MTIF2: variants seen among roughly 807,000 people sequenced by gnomAD.
MTIF2 encodes mitochondrial translational initiation factor 2, also known as translation initiation factor IF-2, mitochondrial.
A neutral mutation model predicts 83.5 loss-of-function variants in MTIF2; 71 were observed. The ratio of observed to expected loss-of-function variants is 0.85; its 90% confidence interval spans 0.70 to 1.04. The LOEUF (loss-of-function observed/expected upper bound fraction) is 1.04. MTIF2 is among the 50% of genes least tolerant of loss of function. The pLI, the probability that MTIF2 is intolerant of heterozygous loss-of-function variation, is 0.00. For missense variants in MTIF2, 957 were observed against 846.5 expected (o/e 1.13, Z -1.62); for synonymous variants, 319 against 287.1 (o/e 1.11, Z -1.12).
chr2:55,265,758 A>G (rs1016090687), intron 3 of MTIF2, among the ~76,000 whole-genome samples: 2 of 152,186 alleles, frequency 1.3e-5, no homozygotes, highest in African/African-American at 4.8e-5. Flanking sequence ...TACATTGTGA[A>G]TATTATTTTA....
At chr2:55,260,447 C>G (rs918112907) in intron 5 of MTIF2, among the ~76,000 whole-genome samples, 2 of 148,836 alleles carry the variant, frequency 1.3e-5, no homozygotes, top group African/African-American at 2.5e-5. Flanking sequence ...CAATTTTGTA[C>G]TCTTTGTAAG....
At position 55,243,475 on chromosome 2, in the gene MTIF2, G is replaced by A. The variant is rs1276133603; in HGVS notation, c.1505C>T (p.Pro502Leu). The change falls in exon 12 of 16, where the codon CCC (proline) becomes CTC (leucine). Residue 502 changes from proline (P) to leucine (L), a missense_variant. Transcript: ENST00000263629. ...LRFLERKEQIPLKPKEKRERD... is the reference protein window; with the variant it reads ...LRFLERKEQILLKPKEKRERD... Reference sequence around the variant, plus strand: ...TTCCCTTTTCTCTTTTGGCTTTAAGGGTATTTGTTCTTTTCTTTCTAAAAA... The same window carrying A: ...TTCCCTTTTCTCTTTTGGCTTTAAGAGTATTTGTTCTTTTCTTTCTAAAAA... 1 of 1,613,448 alleles carries A rather than the reference G, an allele frequency of 6.2e-7. No homozygotes were observed. Among genetic ancestry groups the A allele is most frequent in the Non-Finnish European group, 8.5e-7 (1 of 1,179,626 alleles).
At chr2:55,258,811 C>CAAAAA (rs368542489) in intron 5 of MTIF2, among the ~76,000 whole-genome samples, 1 of 67,280 alleles carries the variant, frequency 1.5e-5, no homozygotes, top group African/African-American at 6.2e-5. Context: ...GCCTCTGTCT[C>CAAAAA]AAAAAAAAAA....
In MTIF2 at chr2:55,240,156, A is replaced by C. The variant is rs1488464606; in HGVS notation, c.1725T>G (p.Asn575Lys). ...GTTGGATAACATTGCCTGCATTCAC[A>C]TTAAAGCCATATATAACACCTAGCA... ...ETFDGVIYGF[N>K]VNAGNVIQQS... The change falls in exon 14 of 16, where the codon AAT becomes AAG. Residue 575 changes from asparagine (N) to lysine (K), a missense_variant. Asn to Lys is a moderately conservative substitution (Grantham distance 94, BLOSUM62 0). Transcript: ENST00000263629. 6.2e-7 allele frequency: 1 copy of C among 1,613,618 alleles called. No individual in the cohort carries two copies. The highest frequency in any genetic ancestry group is 8.5e-7 in the Non-Finnish European group (1 of 1,179,634).
intron 5 of MTIF2, among the ~76,000 whole-genome samples, chr2:55,261,269 C>T: frequency 6.6e-6 from 1 of 152,146 alleles, no homozygotes; most frequent in East Asian, 1.9e-4. Flanking sequence ...CCGTGCCTGG[C>T]TACTACCAGT....
chr2:55,263,044 G>C (rs975361262), intron 4 of MTIF2, among the ~76,000 whole-genome samples: 4 of 151,938 alleles, frequency 2.6e-5, no homozygotes, highest in African/African-American at 9.7e-5. Context: ...TGTATTTTTA[G>C]TAGTGATGGG....
chr2:55,248,330 G>A (rs1383243623), intron 9 of MTIF2, among the ~76,000 whole-genome samples: 1 of 152,104 alleles, frequency 6.6e-6, no homozygotes, highest in Admixed American at 6.6e-5. Context: ...ACTATTAATG[G>A]ACGCATAATT....
rs376833396 is a variant in MTIF2, at chr2:55,262,488, A to AT, written c.220-62dup. On this transcript the variant is annotated intron_variant, in intron 4 of 15. Transcript: ENST00000263629. The stretch of plus-strand genomic sequence containing the variant: ...AGAAAAAACTTAAGTGACAATTTAG[A>AT]TTTATTCTCAAATATCTACCACAAT... The AT allele has an allele frequency of 3.2e-4, 319 of 985,798 alleles. No homozygotes were observed. In the African/African-American group the frequency reaches 5.0e-3, roughly 16 times the overall value. 61.1% of individuals were successfully genotyped at this position (985,798 alleles called of 1,614,324 possible).
At chr2:55,267,768 C>G (rs7590143) in intron 2 of MTIF2, 133 bp from the exon 3 acceptor site, 29,786 of 152,158 alleles carry the variant, frequency 0.2, 4,230 homozygotes, top group African/African-American at 0.38. Flanking sequence ...TCTTGATACT[C>G]GCTTATAAGC....
At chr2:55,245,168 A>C (rs1676601695) in intron 10 of MTIF2, among the ~76,000 whole-genome samples, 1 of 152,248 alleles carries the variant, frequency 6.6e-6, no homozygotes, top group Non-Finnish European at 1.5e-5. Context: ...GCCAGTTACA[A>C]ATGGACACAT....
At chr2:55,264,734 G>C (rs1379568798) in intron 3 of MTIF2, among the ~76,000 whole-genome samples, 1 of 152,028 alleles carries the variant, frequency 6.6e-6, no homozygotes, top group Middle Eastern at 3.2e-3. Context: ...CTTTATAGTA[G>C]GAAGAAGACA....
At chr2:55,266,341 TG>T (rs1678424736) in intron 3 of MTIF2, 1 of 151,908 alleles carries the variant, frequency 6.6e-6, no homozygotes, top group African/African-American at 2.4e-5. Flanking sequence ...CTGACCGACA[TG>T]GTGAAACCCC....
intron 5 of MTIF2, among the ~76,000 whole-genome samples, chr2:55,261,658 G>A (rs1038486360): frequency 6.6e-6 from 1 of 151,846 alleles, no homozygotes; most frequent in Non-Finnish European, 1.5e-5. Flanking sequence ...AAATTATAGG[G>A]CCAGGCGTGG....
rs369471120 is a variant in MTIF2, at chr2:55,252,680, C to T, written c.665-27G>A. The stretch of plus-strand genomic sequence containing the variant: ...TGTGGAAACAGAAATTCAAGAACAT[C>T]AAGGATTCAAACATGTACTTCCTTA... On this transcript the variant is annotated intron_variant, in intron 7 of 15. Transcript: ENST00000263629. The T allele has an allele frequency of 5.1e-6, 8 of 1,582,290 alleles. No individual in the cohort carries two copies. The South Asian group carries it at 6.8e-5, about 13-fold the overall frequency.
rs769282337 is a variant in MTIF2, at chr2:55,263,630, C to A, written c.219+10G>T. 21 of 1,560,242 alleles carry A rather than the reference C, an allele frequency of 1.3e-5. No individual in the cohort carries two copies. Among genetic ancestry groups the A allele is most frequent in the Non-Finnish European group, 1.7e-5 (19 of 1,150,552 alleles). ...ATCTCAAAAAAAAAAAAAAAGAAAT[C>A]TGTAACTACCTTTTTTGTTACTAGA... On this transcript the variant is annotated intron_variant, in intron 4 of 15. Transcript: ENST00000263629.
At chr2:55,253,987 T>C in intron 7 of MTIF2, 54 bp downstream of exon 7, 1 of 1,576,140 alleles carries the variant, frequency 6.3e-7, no homozygotes, top group Non-Finnish European at 8.7e-7. Context: ...GACATTTAGT[T>C]TAAGAAAATA....
At position 55,251,548 on chromosome 2, in the gene MTIF2, T is replaced by A. The variant is rs2104384996; in HGVS notation, c.841+929A>T. On this transcript the variant is annotated intron_variant, in intron 8 of 15. Coordinates refer to ENST00000263629, the MANE Select transcript of MTIF2 (RefSeq NM_002453.3). ...CTTGCCAGTAAATCTGGGGGTAATA[T>A]GACACACTTTATCGAGTACATTTTC... Among the ~76,000 whole-genome samples the A allele has an allele frequency of 1.3e-5, 2 of 152,356 alleles. 1 individual carries two copies. The highest frequency in any genetic ancestry group is 3.9e-4 in the East Asian group (2 of 5,194).
chr2:55,242,403 G>C (rs1289124875), intron 13 of MTIF2, among the ~76,000 whole-genome samples: 1 of 152,110 alleles, frequency 6.6e-6, no homozygotes, highest in Non-Finnish European at 1.5e-5. Flanking sequence ...TAACAGTCAT[G>C]AGTCCCCCTT....
intron 13 of MTIF2, among the ~76,000 whole-genome samples, chr2:55,241,601 G>A (rs891355217): frequency 6.6e-6 from 1 of 152,176 alleles, no homozygotes; most frequent in Non-Finnish European, 1.5e-5. Context: ...CCAGGACTTT[G>A]GGAGGCCGAG....
Sources: allele counts gnomAD v4.1 joint callset (sites outside exome capture counted in the v4.1 genomes callset), GRCh38; gene constraint gnomAD v4.1.1; transcripts MANE v1.5; gene names NCBI Gene and HGNC (gene_info 2026-07-23, HGNC 2026-07-21).